MRPL48: variants seen among roughly 807,000 people sequenced by gnomAD.
The protein encoded by MRPL48 is large ribosomal subunit protein mL48.
In MRPL48, 16 loss-of-function variants were observed where a neutral mutation model predicts 32.9. The ratio of observed to expected loss-of-function variants is 0.49; its 90% CI spans 0.33 to 0.74. The LOEUF is 0.74. MRPL48 is among the 30% of genes least tolerant of loss of function. MRPL48 has a pLI of 0.02. For synonymous variants in MRPL48, 94 were observed against 89.2 expected, an observed-to-expected ratio of 1.05 and a Z score of -0.31; for missense variants, 206 against 245.3, an observed-to-expected ratio of 0.84 and a Z score of 1.07.
intron 5 of MRPL48, among the ~76,000 whole-genome samples, chr11:73,859,687 T>G (rs1481926139): frequency 6.6e-6 from 1 of 152,122 alleles, no homozygotes; most frequent in African/African-American, 2.4e-5. Flanking sequence ...GTATTAAGTA[T>G]GATTAGAGAT....
chr11:73,828,227 C>CTT (rs34182477), intron 4 of MRPL48, among the ~76,000 whole-genome samples: 50 of 131,948 alleles, frequency 3.8e-4, no homozygotes, highest in Admixed American at 7.0e-4. Flanking sequence ...CAAAATAATT[C>CTT]TTTTTTTTTT....
At chr11:73,855,014 G>C (rs1052726159) in intron 5 of MRPL48, among the ~76,000 whole-genome samples, 1 of 152,042 alleles carries the variant, frequency 6.6e-6, no homozygotes, top group African/African-American at 2.4e-5. Flanking sequence ...ACCTTAAAAG[G>C]CTACAGTGAA....
chr11:73,805,999 A>G (rs1947444947), intron 2 of MRPL48, among the ~76,000 whole-genome samples: 1 of 152,060 alleles, frequency 6.6e-6, no homozygotes, highest in Admixed American at 6.6e-5. Context: ...ATGCTAAACC[A>G]CTAGGGGCCA....
At chr11:73,809,113 G>C (rs1415007462) in intron 3 of MRPL48, among the ~76,000 whole-genome samples, 1 of 152,044 alleles carries the variant, frequency 6.6e-6, no homozygotes, top group African/African-American at 2.4e-5. Context: ...TGCAGCCTGG[G>C]TGACAGAGCA....
Position 73,864,490 on chromosome 11 carries a change from T to G in MRPL48, c.*120T>G. Reference sequence around the variant, plus strand: ...TAGATTTCATAAGTACCCATTCCCATAGCCAGTAATGTCCTCACTCCTCTG... The same window carrying G: ...TAGATTTCATAAGTACCCATTCCCAGAGCCAGTAATGTCCTCACTCCTCTG... On this transcript the variant is annotated 3_prime_UTR_variant, in exon 8 of 8. Transcript: ENST00000310614. 9.6e-6 allele frequency: 9 copies of G among 940,046 alleles called. No individual in the cohort carries two copies. The highest frequency in any genetic ancestry group is 1.5e-5 in the Non-Finnish European group (9 of 602,510). The allele number at this position is 940,046 out of a possible 1,614,324, so 58.2% of individuals were successfully genotyped here.
chr11:73,860,084 TTA>T (rs1267817205), intron 6 of MRPL48, 75 bp downstream of exon 6: 5 of 1,233,264 alleles, frequency 4.1e-6, no homozygotes, highest in Non-Finnish European at 5.7e-6. Context: ...TCACTTTCTA[TTA>T]TGCTCTTTTC....
chr11:73,859,095 T>TGTAC (rs1948537288), intron 5 of MRPL48, among the ~76,000 whole-genome samples: 1 of 127,436 alleles, frequency 7.8e-6, no homozygotes, highest in Non-Finnish European at 1.8e-5. Context: ...TATATGGATG[T>TGTAC]GTAGGTCAGC....
At chr11:73,840,329 T>TA (rs1291928875) in intron 4 of MRPL48, among the ~76,000 whole-genome samples, 1 of 151,862 alleles carries the variant, frequency 6.6e-6, no homozygotes, top group East Asian at 1.9e-4. Flanking sequence ...CTTGTCTCTA[T>TA]AAAAAAATGC....
Position 73,805,012 on chromosome 11 carries a change from G to A in MRPL48, c.22-15G>A. ...AAATGCTTAAGATTGTCCTAACATGGCTGTTTTGCTGTAGGTGCTGTGCCT... is the reference window on the plus strand; with the variant it reads ...AAATGCTTAAGATTGTCCTAACATGACTGTTTTGCTGTAGGTGCTGTGCCT... On this transcript the variant is annotated splice_polypyrimidine_tract_variant and intron_variant, in intron 1 of 7. Coordinates refer to ENST00000310614, the MANE Select transcript of MRPL48 (RefSeq NM_016055.6). 1 of 1,583,922 alleles carries A rather than the reference G, an allele frequency of 6.3e-7. No individual in the cohort carries two copies. Among genetic ancestry groups the A allele is most frequent in the Non-Finnish European group, 8.6e-7 (1 of 1,163,796 alleles).
intron 1 of MRPL48, among the ~76,000 whole-genome samples, chr11:73,800,149 C>A (rs1947331527): frequency 6.6e-6 from 1 of 151,906 alleles, no homozygotes; most frequent in Non-Finnish European, 1.5e-5. Context: ...TGGCTCACTC[C>A]TGTAATCCCA....
At chr11:73,816,883 T>C (rs1314126107) in intron 3 of MRPL48, among the ~76,000 whole-genome samples, 1 of 151,734 alleles carries the variant, frequency 6.6e-6, no homozygotes, top group Admixed American at 6.6e-5. Context: ...TGGAGTGCAG[T>C]GGTGCCATCT....
chr11:73,846,478 C>G (rs1948289544), intron 5 of MRPL48, among the ~76,000 whole-genome samples: 1 of 151,944 alleles, frequency 6.6e-6, no homozygotes, highest in African/African-American at 2.4e-5. Context: ...GCCTCAGCCT[C>G]CCAAGTAGCT....
chr11:73,808,643 C>T (rs543408766), intron 3 of MRPL48, among the ~76,000 whole-genome samples: 6 of 152,272 alleles, frequency 3.9e-5, no homozygotes, highest in Admixed American at 2.6e-4. Flanking sequence ...GCTGTGAGGC[C>T]GGGTGCGGTG....
intron 3 of MRPL48, among the ~76,000 whole-genome samples, chr11:73,815,033 G>A (rs563917618): frequency 7.2e-4 from 106 of 146,854 alleles, no homozygotes; most frequent in Admixed American, 7.4e-4. Flanking sequence ...ACAAAAAAGT[G>A]TTCCATCTGG....
intron 4 of MRPL48, among the ~76,000 whole-genome samples, chr11:73,827,271 C>T (rs1309184392): frequency 6.6e-6 from 1 of 151,996 alleles, no homozygotes; most frequent in Non-Finnish European, 1.5e-5. Flanking sequence ...GTAATCCCAA[C>T]TACTCGGAAG....
At chr11:73,846,716 G>A (rs1011515489) in intron 5 of MRPL48, among the ~76,000 whole-genome samples, 2 of 149,914 alleles carry the variant, frequency 1.3e-5, no homozygotes, top group African/African-American at 4.9e-5. Context: ...ACCCAGCCTG[G>A]TATGCAGTCA....
chr11:73,839,636 T>G (rs141079637), intron 4 of MRPL48, among the ~76,000 whole-genome samples: 25 of 152,244 alleles, frequency 1.6e-4, no homozygotes, highest in African/African-American at 6.0e-4. Flanking sequence ...GACTTAAAGA[T>G]GGATTGTAGA....
In MRPL48 at chr11:73,827,849, A is replaced by C. The variant is rs74408791; in HGVS notation, c.201+2053A>C. Among the ~76,000 whole-genome samples, 6 of 152,274 alleles carry C rather than the reference A, an allele frequency of 3.9e-5. No individual in the cohort carries two copies. In the East Asian group the frequency reaches 1.2e-3, roughly 29 times the overall value. On this transcript the variant is annotated intron_variant, in intron 4 of 7. Coordinates refer to ENST00000310614, the MANE Select transcript of MRPL48 (RefSeq NM_016055.6). ...TTAGCCAGGCTCCCAGCAGGAAACA[A>C]ATGCCCTACTAAAATTGTTCCTTTG... is the stretch of plus-strand genomic sequence containing the variant.
At chr11:73,852,893 C>T (rs1948424855) in intron 5 of MRPL48, among the ~76,000 whole-genome samples, 1 of 152,082 alleles carries the variant, frequency 6.6e-6, no homozygotes, top group Admixed American at 6.6e-5. Context: ...TACATGTATA[C>T]AATAGAGTAG....
Sources: gnomAD v4.1 joint callset for allele counts (sites outside exome capture counted in the v4.1 genomes callset) on GRCh38, gnomAD v4.1.1 for gene constraint, MANE v1.5 for transcripts, NCBI Gene and HGNC (gene_info 2026-07-23, HGNC 2026-07-21) for gene names.